Variants in RGPD3 observed in about 807,000 individuals in gnomAD.
RGPD3 encodes RANBP2 like and GRIP domain containing 3.
A neutral mutation model predicts 154.5 loss-of-function variants in RGPD3; 62 were observed. The observed-to-expected ratio is 0.40, with a 90% CI of 0.33 to 0.50. The LOEUF (loss-of-function observed/expected upper bound fraction) is 0.50. Ranked by LOEUF, RGPD3 falls within the 20% of genes least tolerant of loss-of-function variation. The pLI is 0.59. For synonymous variants in RGPD3, 308 were observed against 607.0 expected, an observed-to-expected ratio of 0.51 and a Z score of 7.24; for missense variants, 919 against 1,716.8, an observed-to-expected ratio of 0.54 and a Z score of 8.21.
At chr2:106,407,256 A>C (rs976805035) in intron 22 of RGPD3, among the ~76,000 whole-genome samples, 161 of 152,068 alleles carry the variant, frequency 1.1e-3, no homozygotes, top group Non-Finnish European at 2.1e-3. Flanking sequence ...CGCTAGCAAG[A>C]TAGAAGCCAC....
Position 106,439,098 on chromosome 2 carries a change from C to T in RGPD3, c.1146G>A (p.Gly382=), listed in dbSNP as rs777022622. The change falls in exon 9 of 23, where the codon GGG becomes GGA. Residue 382 remains glycine, a synonymous_variant. Transcript: ENST00000409886. ...VVVETFANKS[G]QSALYDALFS... Reference sequence around the variant, plus strand: ...ACAGAGCATCATATAATGCAGACTGCCCGCTTTTGTTGGCAAAAGTTTCAA... The same window carrying T: ...ACAGAGCATCATATAATGCAGACTGTCCGCTTTTGTTGGCAAAAGTTTCAA... 6.9e-5 allele frequency: 14 copies of T among 201,860 alleles called. No homozygotes were observed. Among genetic ancestry groups the T allele is most frequent in the South Asian group, 5.3e-4 (12 of 22,486 alleles). The allele number at this position is 201,860 out of a possible 1,614,324, so 12.5% of individuals were successfully genotyped here.
chr2:106,408,532 C>T (rs1676576505), intron 22 of RGPD3, among the ~76,000 whole-genome samples: 1 of 142,902 alleles, frequency 7.0e-6, no homozygotes, highest in South Asian at 2.5e-4. Flanking sequence ...CATTTTATAT[C>T]TAGAGCTGAT....
chr2:106,446,569 C>CAAAAAA (rs550745664), intron 7 of RGPD3, among the ~76,000 whole-genome samples: 1 of 20,546 alleles, frequency 4.9e-5, no homozygotes, highest in Non-Finnish European at 8.4e-5. Flanking sequence ...GACTCCATCT[C>CAAAAAA]AAAAAAAAAA....
chr2:106,467,574 C>T (rs1245399548), intron 1 of RGPD3, among the ~76,000 whole-genome samples: 9 of 136,914 alleles, frequency 6.6e-5, no homozygotes, highest in African/African-American at 2.6e-4. Flanking sequence ...GAGCAGCGCC[C>T]GTCGGGAGCC....
At chr2:106,436,327 A>T (rs1677550980) in intron 11 of RGPD3, 81 bp from the exon 12 acceptor site, 1 of 1,610,790 alleles carries the variant, frequency 6.2e-7, no homozygotes, top group Admixed American at 1.7e-5. Context: ...AATGGGTCAC[A>T]TGACAAATTA....
At chr2:106,454,766 ATATGGGAGT>A (rs1397163204) in intron 4 of RGPD3, among the ~76,000 whole-genome samples, 1 of 152,086 alleles carries the variant, frequency 6.6e-6, no homozygotes, top group Non-Finnish European at 1.5e-5. Flanking sequence ...GCCACGCCCA[ATATGGGAGT>A]TATGTTTGAG....
rs1676819707 is a variant in RGPD3 at position 106,416,068 on chromosome 2, A to G, written c.4925-79T>C. 14 of 1,557,236 alleles carry G rather than the reference A, an allele frequency of 9.0e-6. No homozygotes were observed. The South Asian group carries it at 1.5e-4, about 16-fold the overall frequency. ...GATTCTAAATAAGAAAAATCTAAAT[A>G]TAAATATCTTACTATGTGATATTTT... is the stretch of plus-strand genomic sequence containing the variant. On this transcript the variant is annotated intron_variant, in intron 20 of 22. Coordinates refer to ENST00000409886, the MANE Select transcript of RGPD3 (RefSeq NM_001144013.2).
chr2:106,451,430 A>G (rs1486852063), intron 6 of RGPD3, among the ~76,000 whole-genome samples: 1 of 144,496 alleles, frequency 6.9e-6, no homozygotes, highest in Non-Finnish European at 1.5e-5. Flanking sequence ...AGCAATCAGT[A>G]AACTTTTTCT....
At position 106,457,106 on chromosome 2, in the gene RGPD3, G is replaced by T. The variant is rs571317797; in HGVS notation, c.270C>A (p.Asn90Lys). 3.9e-4 allele frequency: 624 copies of T among 1,610,962 alleles called. 3 individuals are homozygous for T. The East Asian group carries it at 0.012, about 31-fold the overall frequency. Residue 90 changes from asparagine to lysine, a missense_variant, in exon 4 of 23, where the codon AAC becomes AAA. Transcript: ENST00000409886. ...TCAACACAAGATCTTTTTGTGTTGGGTTTAATTCCACTGAACGCTAATATC... is the reference window on the plus strand; with the variant it reads ...TCAACACAAGATCTTTTTGTGTTGGTTTTAATTCCACTGAACGCTAATATC... ...VECYRRSVEL[N>K]PTQKDLVLKI...
At chr2:106,409,900 A>T (rs1291905063) in intron 22 of RGPD3, among the ~76,000 whole-genome samples, 1 of 124,676 alleles carries the variant, frequency 8.0e-6, no homozygotes. Flanking sequence ...TTGAGATAAG[A>T]GTTTTGATCT....
chr2:106,410,664 G>C (rs1194033988), intron 22 of RGPD3, among the ~76,000 whole-genome samples: 1 of 152,086 alleles, frequency 6.6e-6, no homozygotes, highest in Non-Finnish European at 1.5e-5. Flanking sequence ...TATAAAATTA[G>C]TTATAATTTT....
intron 22 of RGPD3, among the ~76,000 whole-genome samples, chr2:106,411,191 G>A (rs1290043121): frequency 1.1e-4 from 16 of 141,224 alleles, no homozygotes; most frequent in Non-Finnish European, 2.0e-4. Context: ...TCAATTTTGA[G>A]GATGACTCTT....
intron 1 of RGPD3, among the ~76,000 whole-genome samples, chr2:106,462,038 C>T (rs1313121419): frequency 1.3e-5 from 2 of 151,928 alleles, no homozygotes; most frequent in Admixed American, 6.6e-5. Flanking sequence ...CGCACACCAC[C>T]ATGCCCAGCT....
intron 22 of RGPD3, among the ~76,000 whole-genome samples, chr2:106,408,790 A>G (rs1676583788): frequency 6.6e-6 from 1 of 152,094 alleles, no homozygotes; most frequent in Non-Finnish European, 1.5e-5. Flanking sequence ...TATAACAAAG[A>G]ATCCTGCTGC....
chr2:106,413,328 CTGAT>C (rs1318184924), intron 21 of RGPD3, 43 bp from the exon 22 acceptor site: 1 of 1,608,908 alleles, frequency 6.2e-7, no homozygotes, highest in East Asian at 2.2e-5. Flanking sequence ...TTAGGAGCTT[CTGAT>C]TAAATATGGC....
chr2:106,466,805 G>C (rs1389146064), intron 1 of RGPD3, among the ~76,000 whole-genome samples: 1 of 84,682 alleles, frequency 1.2e-5, no homozygotes, highest in African/African-American at 4.1e-5. Context: ...GGGCCGGGTC[G>C]AGGCCGCCGC....
Position 106,425,220 on chromosome 2 carries a change from A to G in RGPD3, c.2747T>C (p.Ile916Thr), listed in dbSNP as rs776599939. ...TTTAAATCCATCAGCAGACACAGGG[A>G]TGGAAAATCCTTCTTTGGTTGACTT... ...EFKSTKEGFSIPVSADGFKFG... is the reference protein window; with the variant it reads ...EFKSTKEGFSTPVSADGFKFG... The change falls in exon 20 of 23, where the codon ATC becomes ACC. Residue 916 changes from isoleucine (I) to threonine (T), a missense_variant. By Grantham distance (89) the Ile-to-Thr change is moderately conservative. Coordinates refer to ENST00000409886, the MANE Select transcript of RGPD3 (RefSeq NM_001144013.2). 1.4e-5 allele frequency: 22 copies of G among 1,611,704 alleles called. No individual in the cohort carries two copies. In the South Asian group the frequency reaches 1.9e-4, roughly 14 times the overall value.
chr2:106,464,764 C>T (rs549361312), intron 1 of RGPD3, among the ~76,000 whole-genome samples: 13 of 152,076 alleles, frequency 8.5e-5, no homozygotes, highest in Non-Finnish European at 1.6e-4. Context: ...CGCTCTGTCA[C>T]ACAGGCTGGA....
At chr2:106,450,765 G>A (rs1191338298) in intron 6 of RGPD3, among the ~76,000 whole-genome samples, 3 of 108,254 alleles carry the variant, frequency 2.8e-5, no homozygotes, top group African/African-American at 3.7e-5. Flanking sequence ...GGCACCTGTA[G>A]TTCCACCTAT....
Sources: allele counts gnomAD v4.1 joint callset (sites outside exome capture counted in the v4.1 genomes callset), GRCh38; gene constraint gnomAD v4.1.1; transcripts MANE v1.5; gene names NCBI Gene and HGNC (gene_info 2026-07-23, HGNC 2026-07-21).